The following TRIQK variants were observed in gnomAD, a reference collection of about 807,000 sequenced individuals.
The protein encoded by TRIQK is triple QxxK/R motif-containing protein.
Under a neutral mutation model 10.8 loss-of-function variants are expected in TRIQK, and 10 were observed. The observed-to-expected ratio is 0.92, with a 90% CI of 0.57 to 1.57. TRIQK has a LOEUF of 1.57. TRIQK is among the 40% of genes most tolerant of loss of function. TRIQK has a pLI of 0.00. For synonymous variants in TRIQK, 33 were observed against 33.7 expected (o/e 0.98, Z 0.07); for missense variants, 107 against 97.7 (o/e 1.09, Z -0.40).
intron 2 of TRIQK, among the ~76,000 whole-genome samples, chr8:92,919,706 T>C (rs954265711): frequency 6.6e-6 from 1 of 151,746 alleles, no homozygotes; most frequent in African/African-American, 2.4e-5. Context: ...ATAGTTTTAG[T>C]AGAAATGGGA....
chr8:92,919,707 A>G (rs1393172841), intron 2 of TRIQK, among the ~76,000 whole-genome samples: 3 of 151,822 alleles, frequency 2.0e-5, no homozygotes, highest in South Asian at 4.1e-4. Context: ...TAGTTTTAGT[A>G]GAAATGGGAT....
At chr8:92,994,087 G>A (rs899431210) in intron 1 of TRIQK, among the ~76,000 whole-genome samples, 8 of 152,068 alleles carry the variant, frequency 5.3e-5, no homozygotes, top group African/African-American at 1.9e-4. Flanking sequence ...AGTTATTTTT[G>A]TACACTAACT....
At chr8:92,937,429 C>T (rs921027086) in intron 2 of TRIQK, among the ~76,000 whole-genome samples, 2 of 151,770 alleles carry the variant, frequency 1.3e-5, no homozygotes, top group African/African-American at 4.8e-5. Flanking sequence ...CAGTATATTG[C>T]TGGGTCTTGC....
At chr8:92,969,215 G>C (rs1038266959), upstream of TRIQK, among the ~76,000 whole-genome samples, 2 of 152,062 alleles carry the variant, frequency 1.3e-5, no homozygotes, top group African/African-American at 4.8e-5. Context: ...ATAGATTGAA[G>C]TCAGGTAACA....
At chr8:93,015,522 A>G (rs1245063582) in intron 1 of TRIQK, among the ~76,000 whole-genome samples, 1 of 150,854 alleles carries the variant, frequency 6.6e-6, no homozygotes, top group Non-Finnish European at 1.5e-5. Context: ...TCTAACTAGG[A>G]ATGACACACA....
chr8:92,910,205 TA>T (rs1252348689), intron 3 of TRIQK, among the ~76,000 whole-genome samples: 2 of 151,302 alleles, frequency 1.3e-5, no homozygotes, highest in Admixed American at 6.6e-5. Context: ...TAAGTACAAT[TA>T]AAAAAATATG....
intron 2 of TRIQK, among the ~76,000 whole-genome samples, chr8:92,924,878 T>C (rs1374438969): frequency 6.6e-6 from 1 of 152,046 alleles, no homozygotes; most frequent in East Asian, 1.9e-4. Context: ...TAAACAGTTG[T>C]TATTCTAAAG....
intron 4 of TRIQK, among the ~76,000 whole-genome samples, chr8:92,891,019 C>T (rs934116693): frequency 4.0e-5 from 6 of 151,700 alleles, no homozygotes; most frequent in Admixed American, 1.3e-4. Context: ...AACTGACACA[C>T]AGCATGGAAG....
chr8:92,990,077 G>C (rs527729687), intron 1 of TRIQK, among the ~76,000 whole-genome samples: 1 of 152,038 alleles, frequency 6.6e-6, no homozygotes, highest in Non-Finnish European at 1.5e-5. Flanking sequence ...TAAAAATAAA[G>C]TATTGTTATA....
intron 3 of TRIQK, among the ~76,000 whole-genome samples, chr8:92,907,839 G>C (rs1323950457): frequency 6.6e-6 from 1 of 151,844 alleles, no homozygotes; most frequent in East Asian, 1.9e-4. Context: ...TACATACAAA[G>C]ATAGCTACTA....
At chr8:92,890,839 C>T (rs574499610) in intron 4 of TRIQK, among the ~76,000 whole-genome samples, 2 of 151,866 alleles carry the variant, frequency 1.3e-5, no homozygotes, top group African/African-American at 4.8e-5. Flanking sequence ...GAAATGATCA[C>T]CAAGTAGCCA....
intron 1 of TRIQK, among the ~76,000 whole-genome samples, chr8:92,977,173 GTGA>G (rs1225303592): frequency 1.3e-5 from 2 of 151,874 alleles, no homozygotes; most frequent in Non-Finnish European, 2.9e-5. Context: ...GTGCTTTCTG[GTGA>G]TGAAGTCTTT....
At chr8:93,011,358 T>C (rs746590259) in intron 1 of TRIQK, among the ~76,000 whole-genome samples, 3 of 152,160 alleles carry the variant, frequency 2.0e-5, no homozygotes, top group Non-Finnish European at 4.4e-5. Flanking sequence ...TGGAACTGAC[T>C]GTAAATTTGT....
chr8:92,980,772 G>A (rs922467538), intron 1 of TRIQK, among the ~76,000 whole-genome samples: 1 of 151,124 alleles, frequency 6.6e-6, no homozygotes, highest in Admixed American at 6.6e-5. Context: ...TTCATAATGT[G>A]TTTCTCCTTT....
chr8:93,016,677 T>C (rs1279351159), intron 1 of TRIQK, among the ~76,000 whole-genome samples: 3 of 152,158 alleles, frequency 2.0e-5, no homozygotes, highest in East Asian at 1.9e-4. Context: ...TTTATGAAGA[T>C]AGAAATGTCT....
chr8:92,954,717 C>A (rs2130683224), intron 1 of TRIQK, among the ~76,000 whole-genome samples, 153 bp from the exon 2 acceptor site: 1 of 151,894 alleles, frequency 6.6e-6, no homozygotes, highest in South Asian at 2.1e-4. Flanking sequence ...CGTTTCTATG[C>A]CAAATATAAT....
intron 1 of TRIQK, among the ~76,000 whole-genome samples, chr8:92,979,582 TAAC>T (rs1467308852): frequency 6.6e-6 from 1 of 152,130 alleles, no homozygotes; most frequent in Non-Finnish European, 1.5e-5. Flanking sequence ...TTTTTTGTAA[TAAC>T]AATTGTCCTT....
intron 1 of TRIQK, among the ~76,000 whole-genome samples, chr8:92,975,671 T>G (rs1473852414): frequency 6.6e-6 from 1 of 152,068 alleles, no homozygotes; most frequent in East Asian, 1.9e-4. Flanking sequence ...CTTATTTTAT[T>G]GATTTCCATT....
At chr8:92,981,387 T>A (rs1337014070) in intron 1 of TRIQK, among the ~76,000 whole-genome samples, 2 of 151,986 alleles carry the variant, frequency 1.3e-5, no homozygotes, top group African/African-American at 4.8e-5. Context: ...AAGCTCGTTG[T>A]GTTACACAAA....
Sources: allele counts gnomAD v4.1 joint callset (sites outside exome capture counted in the v4.1 genomes callset), GRCh38; gene constraint gnomAD v4.1.1; transcripts MANE v1.5; gene names NCBI Gene and HGNC (gene_info 2026-07-23, HGNC 2026-07-21).